Variants in PHF14 observed in about 807,000 individuals in gnomAD.
PHF14 encodes the protein PHD finger protein 14.
A neutral mutation model predicts 117.9 loss-of-function variants in PHF14; 55 were observed. The observed-to-expected ratio is 0.47, with a 90% CI of 0.38 to 0.58. PHF14 has a LOEUF of 0.58. Ranked by LOEUF, PHF14 falls within the 20% of genes least tolerant of loss-of-function variation. The probability of loss-of-function intolerance (pLI) is 0.00; values close to 1 mark genes in which losing one functional copy is unlikely to be tolerated. For missense variants in PHF14, 978 were observed against 1,122.2 expected, an observed-to-expected ratio of 0.87 and a Z score of 1.84; for synonymous variants, 409 against 368.6, an observed-to-expected ratio of 1.11 and a Z score of -1.26.
chr7:11,133,248 A>G (rs1160760804), intron 17 of PHF14, among the ~76,000 whole-genome samples: 1 of 151,874 alleles, frequency 6.6e-6, no homozygotes, highest in African/African-American at 2.4e-5. Context: ...AATAGCCAAC[A>G]TAATATTAAA....
At chr7:11,169,293 G>A (rs1789297740) in intron 17 of PHF14, 123 bp from the exon 18 acceptor site, 2 of 485,146 alleles carry the variant, frequency 4.1e-6, no homozygotes, top group Non-Finnish European at 7.4e-6. Flanking sequence ...TTTACCATTT[G>A]TGTTTAGGAT....
At chr7:10,991,113 C>T (rs1196718511) in intron 4 of PHF14, among the ~76,000 whole-genome samples, 1 of 151,880 alleles carries the variant, frequency 6.6e-6, no homozygotes, top group African/African-American at 2.4e-5. Context: ...GCCTCAGCCT[C>T]CTGGGTAGCT....
chr7:11,169,381 TTA>T (rs1261734932), intron 17 of PHF14, 33 bp from the exon 18 acceptor site: 3 of 1,011,944 alleles, frequency 3.0e-6, no homozygotes, highest in Non-Finnish European at 4.4e-6. Flanking sequence ...GCTCTAAAGT[TTA>T]TATTTTAATG....
intron 2 of PHF14, 107 bp downstream of exon 2, chr7:10,975,052 C>T (rs904253433): frequency 1.2e-5 from 8 of 678,738 alleles, no homozygotes; most frequent in African/African-American, 1.8e-5. Flanking sequence ...AGTGAAAGCA[C>T]GTAAACTTCA....
At chr7:11,132,685 G>T (rs1788121569) in intron 17 of PHF14, among the ~76,000 whole-genome samples, 1 of 151,388 alleles carries the variant, frequency 6.6e-6, no homozygotes, top group Admixed American at 6.6e-5. Context: ...TTTTTATAAT[G>T]GTATAATGGT....
At chr7:11,138,646 T>TA (rs1473127433) in intron 17 of PHF14, among the ~76,000 whole-genome samples, 1 of 152,306 alleles carries the variant, frequency 6.6e-6, no homozygotes, top group East Asian at 1.9e-4. Context: ...ACAAATATTT[T>TA]AATTTCTGAT....
chr7:11,021,101 T>A (rs541840541), intron 5 of PHF14, among the ~76,000 whole-genome samples: 1 of 152,360 alleles, frequency 6.6e-6, no homozygotes, highest in Admixed American at 6.5e-5. Flanking sequence ...ATGAGTCTTT[T>A]GAGAAGTATC....
chr7:11,117,918 G>A (rs1441750441), intron 17 of PHF14, among the ~76,000 whole-genome samples: 1 of 151,700 alleles, frequency 6.6e-6, no homozygotes, highest in African/African-American at 2.4e-5. Flanking sequence ...TGACCTCTGG[G>A]ATTTTATCTG....
At chr7:11,051,533 A>T in intron 13 of PHF14, 79 bp from the exon 14 acceptor site, 1 of 1,154,768 alleles carries the variant, frequency 8.7e-7, no homozygotes, top group African/African-American at 1.6e-5. Flanking sequence ...ATATACCTGG[A>T]TTTTGTATTT....
At chr7:10,986,057 C>A (rs1299216688) in intron 3 of PHF14, among the ~76,000 whole-genome samples, 4 of 152,034 alleles carry the variant, frequency 2.6e-5, no homozygotes, top group Non-Finnish European at 4.4e-5. Flanking sequence ...CAGCTTTGAT[C>A]TCCCAGGCTC....
chr7:11,066,332 G>A (rs531338531), intron 16 of PHF14, among the ~76,000 whole-genome samples: 2 of 151,984 alleles, frequency 1.3e-5, no homozygotes, highest in Non-Finnish European at 2.9e-5. Flanking sequence ...CTTTCTTGAC[G>A]CAGTACAGCC....
intron 16 of PHF14, chr7:11,105,454 GACTATTTCACCAA>G (rs1787225525): frequency 1.0e-6 from 1 of 969,864 alleles, no homozygotes. Flanking sequence ...AATATTTCAT[GACTATTTCACCAA>G]AATTTATTCA....
chr7:11,047,464 G>A (rs1027269292), intron 13 of PHF14, among the ~76,000 whole-genome samples: 1 of 151,864 alleles, frequency 6.6e-6, no homozygotes, highest in Non-Finnish European at 1.5e-5. Flanking sequence ...ATTATAGGTT[G>A]TAGTTGTATG....
intron 17 of PHF14, among the ~76,000 whole-genome samples, chr7:11,161,752 A>ATTATATTTTATTTAAATAAAAATG (rs1789039025): frequency 1.4e-5 from 2 of 147,956 alleles, no homozygotes; most frequent in Non-Finnish European, 3.0e-5. Flanking sequence ...AAATAAAAAT[A>ATTATATTTTATTTAAATAAAAATG]TTTAGATTTT....
chr7:11,159,250 A>G (rs374406203), intron 17 of PHF14, among the ~76,000 whole-genome samples: 24 of 151,960 alleles, frequency 1.6e-4, no homozygotes, highest in African/African-American at 5.1e-4. Flanking sequence ...TATAAATTCT[A>G]TTTGTTTTTG....
At chr7:11,121,816 G>GTTC (rs1057323443) in intron 17 of PHF14, among the ~76,000 whole-genome samples, 2 of 151,938 alleles carry the variant, frequency 1.3e-5, no homozygotes, top group African/African-American at 4.8e-5. Context: ...CTTCAGAATG[G>GTTC]TATGCAATTT....
chr7:11,104,395 TC>T (rs1447524874), intron 16 of PHF14: 1 of 954,730 alleles, frequency 1.0e-6, no homozygotes, highest in Admixed American at 6.2e-5. Flanking sequence ...CCTAATAATC[TC>T]TTAAATGCTC....
chr7:11,156,961 T>TTA (rs1470133107), intron 17 of PHF14, among the ~76,000 whole-genome samples: 2 of 152,190 alleles, frequency 1.3e-5, no homozygotes, highest in African/African-American at 4.8e-5. Context: ...GAAGGGTATA[T>TTA]TATTTTGATA....
chr7:11,033,078 A>T (rs1453168440), intron 7 of PHF14, among the ~76,000 whole-genome samples: 1 of 152,230 alleles, frequency 6.6e-6, no homozygotes, highest in Non-Finnish European at 1.5e-5. Context: ...ATTTCATGGT[A>T]GATATTCAGA....
Sources: allele counts gnomAD v4.1 joint callset (sites outside exome capture counted in the v4.1 genomes callset), GRCh38; gene constraint gnomAD v4.1.1; transcripts MANE v1.5; gene names NCBI Gene and HGNC (gene_info 2026-07-23, HGNC 2026-07-21).